C2CD3: variants seen among roughly 807,000 people sequenced by gnomAD.
The protein encoded by C2CD3 is C2 domain containing 3 centriole elongation regulator, also known as C2 domain-containing protein 3.
In C2CD3, 148 loss-of-function variants were observed where a neutral mutation model predicts 234.0. The observed-to-expected ratio is 0.63, with a 90% CI of 0.55 to 0.72. C2CD3 has a LOEUF of 0.72. Ranked by LOEUF, C2CD3 falls within the 30% of genes least tolerant of loss-of-function variation. C2CD3 has a pLI of 0.00. For synonymous variants in C2CD3, 1,000 were observed against 1,035.4 expected (o/e 0.97, Z 0.66); for missense variants, 2,577 against 2,811.5 (o/e 0.92, Z 1.89).
intron 7 of C2CD3, chr11:74,128,806 A>AGC (rs1957509619): frequency 5.3e-6 from 1 of 189,824 alleles, no homozygotes; most frequent in Non-Finnish European, 1.1e-5. Flanking sequence ...CACCGCCCTT[A>AGC]ATCCATTCAA....
Position 74,078,227 on chromosome 11 carries a change from A to C in C2CD3, c.4491T>G (p.Ala1497=). The C allele has an allele frequency of 6.2e-7, 1 of 1,614,054 alleles. No individual in the cohort carries two copies. Among genetic ancestry groups the C allele is most frequent in the Non-Finnish European group, 8.5e-7 (1 of 1,180,006 alleles). Residue 1497 remains alanine, a synonymous_variant, in exon 23 of 33, where the codon GCT becomes GCG. Coordinates refer to ENST00000334126, the MANE Select transcript of C2CD3 (RefSeq NM_001286577.2). ...EERLEIQVWR[A]YGNDSVERPH... ...GTCTCTCCACACTGTCATTGCCATA[A>C]GCTCGCCACACTTGGATCTCTAGCC... is the stretch of plus-strand genomic sequence containing the variant.
chr11:74,137,012 T>C (rs1364057336), intron 5 of C2CD3, among the ~76,000 whole-genome samples: 1 of 151,384 alleles, frequency 6.6e-6, no homozygotes, highest in Non-Finnish European at 1.5e-5. Context: ...ATCTTTAATG[T>C]TACCTTCTTT....
intron 3 of C2CD3, among the ~76,000 whole-genome samples, chr11:74,146,183 A>G (rs1356129880): frequency 6.6e-6 from 1 of 152,172 alleles, no homozygotes; most frequent in Non-Finnish European, 1.5e-5. Flanking sequence ...TTAAGATTAA[A>G]AGCTTTAGGG....
intron 18 of C2CD3, among the ~76,000 whole-genome samples, chr11:74,093,422 C>A (rs1413912549): frequency 6.7e-6 from 1 of 150,268 alleles, no homozygotes; most frequent in Non-Finnish European, 1.5e-5. Flanking sequence ...GAACAGGTTA[C>A]AAGAAATGAG....
chr11:74,081,268 C>A (rs555170838), intron 22 of C2CD3, among the ~76,000 whole-genome samples: 3 of 152,266 alleles, frequency 2.0e-5, no homozygotes, highest in African/African-American at 7.2e-5. Flanking sequence ...TGGTCAAGGT[C>A]ACCCAGTTAC....
intron 5 of C2CD3, 154 bp from the exon 6 acceptor site, chr11:74,133,711 A>G (rs958715060): frequency 1.6e-5 from 11 of 692,478 alleles, no homozygotes; most frequent in Admixed American, 2.7e-5. Context: ...TTCCTTGAGG[A>G]CATTTACGCA....
chr11:74,075,887 T>C (rs757971889), intron 23 of C2CD3, among the ~76,000 whole-genome samples: 1 of 152,198 alleles, frequency 6.6e-6, no homozygotes, highest in African/African-American at 2.4e-5. Flanking sequence ...ATGACATGCC[T>C]TGTATAAGAC....
In C2CD3 at chr11:74,134,844, G is replaced by C. The variant is rs569502574; in HGVS notation, c.956-1287C>G. Among the ~76,000 whole-genome samples, 39 of 152,168 alleles carry C rather than the reference G, an allele frequency of 2.6e-4. 1 individual carries two copies. The South Asian group carries it at 7.9e-3, about 31-fold the overall frequency. On this transcript the variant is annotated intron_variant, in intron 5 of 32. Transcript: ENST00000334126. ...AGGCTCAAGCAATCCTCCCATCTCA[G>C]TCTCCCAAGTAGCTAGACTATAGGT...
chr11:74,052,109 G>A (rs1953719265), intron 26 of C2CD3, among the ~76,000 whole-genome samples: 1 of 152,176 alleles, frequency 6.6e-6, no homozygotes, highest in Non-Finnish European at 1.5e-5. Flanking sequence ...GCTAAGGGGA[G>A]AGAGACATCT....
chr11:74,060,041 G>A (rs1954156118), intron 24 of C2CD3, among the ~76,000 whole-genome samples: 2 of 152,206 alleles, frequency 1.3e-5, no homozygotes, highest in Non-Finnish European at 1.5e-5. Context: ...GTCTGAGATC[G>A]AACTGCAAGG....
At chr11:74,098,529 G>A (rs570333915) in intron 15 of C2CD3, among the ~76,000 whole-genome samples, 1 of 152,272 alleles carries the variant, frequency 6.6e-6, no homozygotes, top group East Asian at 1.9e-4. Context: ...GATTTGAACA[G>A]TATCTCATGG....
intron 1 of C2CD3, among the ~76,000 whole-genome samples, chr11:74,169,175 T>C (rs769754636): frequency 1.3e-5 from 2 of 152,242 alleles, no homozygotes; most frequent in Non-Finnish European, 2.9e-5. Context: ...GTAACTTTTC[T>C]TTCCTGCCAA....
rs1215589195 is a variant in C2CD3, at chr11:74,113,865, A to G, written c.1758T>C (p.Pro586=). The stretch of plus-strand genomic sequence containing the variant: ...CCAATCCGCTTTCCGAAAAGCCCAC[A>G]GGAAAGTGATATTCTACAAAGAAAG... ...KRTFFVEYHF[P]VGFSESGLGK... The change falls in exon 11 of 33, where the codon CCT becomes CCC. Residue 586 remains proline, a synonymous_variant. Transcript: ENST00000334126. 1.2e-6 allele frequency: 2 copies of G among 1,601,052 alleles called. No homozygotes were observed. Among genetic ancestry groups the G allele is most frequent in the Non-Finnish European group, 8.5e-7 (1 of 1,175,820 alleles).
At chr11:74,169,681 C>T (rs771590501) in intron 1 of C2CD3, among the ~76,000 whole-genome samples, 3 of 152,148 alleles carry the variant, frequency 2.0e-5, no homozygotes, top group Non-Finnish European at 4.4e-5. Flanking sequence ...CTGTTCTATG[C>T]TATGTTATAT....
rs547669806 is a variant in C2CD3 at position 74,032,000 on chromosome 11, A to G, written c.6809+1351T>C. ...TCAAGAATCATACTGTGTGGTGTGTACAAATGTTTCCACTCATTTGGTTTT... is the reference window on the plus strand; with the variant it reads ...TCAAGAATCATACTGTGTGGTGTGTGCAAATGTTTCCACTCATTTGGTTTT... On this transcript the variant is annotated intron_variant, in intron 31 of 32. Coordinates refer to ENST00000334126, the MANE Select transcript of C2CD3 (RefSeq NM_001286577.2). 2.6e-5 allele frequency among the ~76,000 whole-genome samples: 4 copies of G among 152,310 alleles called. No individual in the cohort carries two copies. In the South Asian group the frequency reaches 8.3e-4, roughly 32 times the overall value.
chr11:74,075,294 G>A (rs956741004), intron 23 of C2CD3, among the ~76,000 whole-genome samples: 2 of 145,428 alleles, frequency 1.4e-5, no homozygotes, highest in Admixed American at 7.0e-5. Context: ...CCTGTTTTTC[G>A]ACCTTCTCCC....
In C2CD3 at chr11:74,153,250, C is replaced by CA. The variant is rs201218862; in HGVS notation, c.483+8148dup. Among the ~76,000 whole-genome samples, 580 of 144,160 alleles carry CA rather than the reference C, an allele frequency of 4.0e-3. 5 individuals carry two copies. The highest frequency in any genetic ancestry group is 0.031 in the South Asian group (137 of 4,430). 94.6% of individuals were successfully genotyped at this position (144,160 alleles called of 152,430 possible). A position where few individuals can be genotyped will look rare whatever the true frequency, so the allele number is the denominator to read the frequency against. On this transcript the variant is annotated intron_variant, in intron 3 of 32. Coordinates refer to ENST00000334126, the MANE Select transcript of C2CD3 (RefSeq NM_001286577.2). ...CAAAACAAAACAAAACAAAACAAAA[C>CA]AAACAAAAGCAAGTGAAAGACCAAA...
At chr11:74,169,482 C>T (rs997111687) in intron 1 of C2CD3, among the ~76,000 whole-genome samples, 3 of 151,766 alleles carry the variant, frequency 2.0e-5, no homozygotes, top group South Asian at 2.1e-4. Context: ...GGTTATGCCT[C>T]AAAGAAGAAA....
At chr11:74,020,761 A>C (rs1426017580) in intron 32 of C2CD3, among the ~76,000 whole-genome samples, 2 of 152,228 alleles carry the variant, frequency 1.3e-5, no homozygotes, top group Admixed American at 1.3e-4. Flanking sequence ...TCTGAGGTCA[A>C]AACTATCTTC....
Sources: allele counts gnomAD v4.1 joint callset (sites outside exome capture counted in the v4.1 genomes callset), GRCh38; gene constraint gnomAD v4.1.1; transcripts MANE v1.5; gene names NCBI Gene and HGNC (gene_info 2026-07-23, HGNC 2026-07-21).